Variants in CIMIP3 observed in about 807,000 individuals in gnomAD.
CIMIP3 encodes ciliary microtubule inner protein 3.
the CIMIP3 span, among the ~76,000 whole-genome samples, chr6:42,158,541 C>T: frequency 6.6e-6 from 1 of 152,216 alleles, no homozygotes; most frequent in African/African-American, 2.4e-5. Context: ...AAGCCAGGGC[C>T]TGGGCTAGGG....
At chr6:42,158,275 C>T in the CIMIP3 span, among the ~76,000 whole-genome samples, 1 of 152,220 alleles carries the variant, frequency 6.6e-6, no homozygotes, top group Non-Finnish European at 1.5e-5. Flanking sequence ...GTGTCCTCAG[C>T]CCTCTGAGGT....
At chr6:42,157,461 G>A in the CIMIP3 span, among the ~76,000 whole-genome samples, 90 of 152,128 alleles carry the variant, frequency 5.9e-4, no homozygotes, top group African/African-American at 2.0e-3. Flanking sequence ...CGTTGCCAAG[G>A]CTGGTCTCAA....
chr6:42,161,499 C>G, the CIMIP3 span, among the ~76,000 whole-genome samples: 1 of 152,142 alleles, frequency 6.6e-6, no homozygotes, highest in Admixed American at 6.6e-5. Context: ...CAGCTGGTAC[C>G]TGAAACGTGG....
At chr6:42,161,906 C>G in the CIMIP3 span, among the ~76,000 whole-genome samples, 4,504 of 151,958 alleles carry the variant, frequency 0.03, 125 homozygotes, top group South Asian at 0.06. Context: ...GGAGCTGAAA[C>G]TCTAATGGGA....
chr6:42,162,474 A>G, the CIMIP3 span, among the ~76,000 whole-genome samples: 128 of 143,854 alleles, frequency 8.9e-4, no homozygotes, highest in African/African-American at 3.1e-3. Flanking sequence ...ACCAAGTAGG[A>G]GGGTGGGAGA....
At chr6:42,163,007 G>A in the CIMIP3 span, 13 of 716,842 alleles carry the variant, frequency 1.8e-5, no homozygotes, top group Admixed American at 6.0e-5. Context: ...CCGGCCCCGG[G>A]CGTGGAAGCA....
At chr6:42,162,140 G>A in the CIMIP3 span, among the ~76,000 whole-genome samples, 16 of 132,766 alleles carry the variant, frequency 1.2e-4, no homozygotes, top group Non-Finnish European at 2.3e-4. Context: ...TAGGCTGGAC[G>A]CAGTGGCTCA....
chr6:42,162,344 G>A, the CIMIP3 span, among the ~76,000 whole-genome samples: 1 of 151,762 alleles, frequency 6.6e-6, no homozygotes, highest in Non-Finnish European at 1.5e-5. Context: ...GAACCCAGGA[G>A]GCGGAGGTTG....
chr6:42,161,102 T>G, the CIMIP3 span, among the ~76,000 whole-genome samples: 1 of 152,134 alleles, frequency 6.6e-6, no homozygotes, highest in Non-Finnish European at 1.5e-5. Context: ...GCAGGAGAAT[T>G]GCTTGAACCC....
chr6:42,157,988 C>T, the CIMIP3 span, among the ~76,000 whole-genome samples: 14 of 152,274 alleles, frequency 9.2e-5, no homozygotes, highest in East Asian at 9.6e-4. Flanking sequence ...GTCTCCTACC[C>T]GCTGGAAGGC....
At chr6:42,158,672 A>T in the CIMIP3 span, among the ~76,000 whole-genome samples, 21 of 152,324 alleles carry the variant, frequency 1.4e-4, no homozygotes, top group South Asian at 4.4e-3. Context: ...GATGCCTCCG[A>T]GCCTCAGTTT....
the CIMIP3 span, among the ~76,000 whole-genome samples, chr6:42,157,439 G>A: frequency 3.9e-5 from 6 of 152,092 alleles, no homozygotes; most frequent in Admixed American, 2.6e-4. Context: ...TAGTAGAGAC[G>A]GGGTTTTGCC....
the CIMIP3 span, chr6:42,155,629 G>T: frequency 5.7e-5 from 41 of 717,226 alleles, no homozygotes; most frequent in African/African-American, 2.8e-4. Flanking sequence ...TTGGGTGCTG[G>T]TGCTGGTGCT....
chr6:42,159,121 T>C, the CIMIP3 span, among the ~76,000 whole-genome samples: 9,463 of 152,286 alleles, frequency 0.062, 363 homozygotes, highest in Non-Finnish European at 0.081. Flanking sequence ...ATAAAGAGAT[T>C]GCCATGGGTC....
the CIMIP3 span, among the ~76,000 whole-genome samples, chr6:42,162,380 A>T: frequency 6.8e-6 from 1 of 147,370 alleles, no homozygotes; most frequent in Non-Finnish European, 1.5e-5. Flanking sequence ...GTGCCATTGT[A>T]CTCCAGCCTG....
the CIMIP3 span, among the ~76,000 whole-genome samples, chr6:42,159,001 G>A: frequency 1.3e-5 from 2 of 152,288 alleles, no homozygotes; most frequent in African/African-American, 4.8e-5. Context: ...GCGTCAGGAG[G>A]ACAAAACCCA....
chr6:42,161,943 A>C, the CIMIP3 span, among the ~76,000 whole-genome samples: 2 of 151,952 alleles, frequency 1.3e-5, no homozygotes, highest in African/African-American at 4.8e-5. Flanking sequence ...AGTGCACAGG[A>C]GGGAGAGCAC....
the CIMIP3 span, among the ~76,000 whole-genome samples, chr6:42,160,159 A>AT: frequency 0.62 from 93,358 of 149,590 alleles, 29,234 homozygotes; most frequent in South Asian, 0.7. Flanking sequence ...CTAATTTTTA[A>AT]TTTTTTTTTT....
chr6:42,158,512 A>C, the CIMIP3 span, among the ~76,000 whole-genome samples: 2 of 152,184 alleles, frequency 1.3e-5, no homozygotes, highest in African/African-American at 4.8e-5. Context: ...CGAGGTGTGG[A>C]CCCAGGGCAG....
Sources: allele counts gnomAD v4.1 joint callset (sites outside exome capture counted in the v4.1 genomes callset), GRCh38; gene constraint gnomAD v4.1.1; transcripts MANE v1.5; gene names NCBI Gene and HGNC (gene_info 2026-07-23, HGNC 2026-07-21).